The following DOCK3 variants were observed in gnomAD, a reference collection of about 807,000 sequenced individuals.
DOCK3 encodes the protein dedicator of cytokinesis protein 3.
Under a neutral mutation model 265.6 loss-of-function variants are expected in DOCK3, and 60 were observed. That is an observed-to-expected ratio of 0.23 (90% confidence interval 0.18 to 0.28). The LOEUF (loss-of-function observed/expected upper bound fraction) is 0.28. DOCK3 is among the 10% of genes least tolerant of loss of function. The pLI, the probability that DOCK3 is intolerant of heterozygous loss-of-function variation, is 1.00. For synonymous variants in DOCK3, 881 were observed against 938.0 expected (o/e 0.94, Z 1.11); for missense variants, 1,981 against 2,594.3 (o/e 0.76, Z 5.14).
chr3:50,894,752 A>AT (rs922982322), intron 4 of DOCK3, among the ~76,000 whole-genome samples: 29 of 151,428 alleles, frequency 1.9e-4, no homozygotes, highest in African/African-American at 5.3e-4. Context: ...TTTGTTTTTG[A>AT]TTTTTTTTTA....
intron 32 of DOCK3, among the ~76,000 whole-genome samples, chr3:51,317,546 C>T (rs1295067792): frequency 6.7e-6 from 1 of 149,304 alleles, no homozygotes; most frequent in East Asian, 1.9e-4. Context: ...CACCACTGCA[C>T]TCCAGCCTAG....
chr3:51,082,042 A>G lies in DOCK3; in HGVS notation c.549+6602A>G, dbSNP rs558801662. Among the ~76,000 whole-genome samples the G allele has an allele frequency of 2.7e-4, 41 of 152,194 alleles. 1 individual carries two copies. The highest frequency in any genetic ancestry group is 2.4e-3 in the Admixed American group (37 of 15,290). Reference sequence around the variant, plus strand: ...CATCTAAGACAGAATACTGGAGTTCATCAGGGAAGTGACAAGAAACTTCAG... The same window carrying G: ...CATCTAAGACAGAATACTGGAGTTCGTCAGGGAAGTGACAAGAAACTTCAG... On this transcript the variant is annotated intron_variant, in intron 7 of 52. Transcript: ENST00000266037.
At chr3:51,102,657 A>G (rs1212581075) in intron 9 of DOCK3, among the ~76,000 whole-genome samples, 1 of 152,246 alleles carries the variant, frequency 6.6e-6, no homozygotes, top group African/African-American at 2.4e-5. Flanking sequence ...GAAATAGCAC[A>G]AACAAAAGGA....
At chr3:51,071,304 A>T (rs1451187616) in intron 6 of DOCK3, among the ~76,000 whole-genome samples, 1 of 152,200 alleles carries the variant, frequency 6.6e-6, no homozygotes, top group Non-Finnish European at 1.5e-5. Context: ...GGAGTGAATG[A>T]ATGAATGATC....
chr3:51,063,319 A>G (rs565051214), intron 5 of DOCK3, among the ~76,000 whole-genome samples: 3 of 152,296 alleles, frequency 2.0e-5, no homozygotes, highest in African/African-American at 7.2e-5. Flanking sequence ...AGCTGATTAT[A>G]TTACTGCACT....
At chr3:51,358,141 G>A in intron 46 of DOCK3, 64 bp downstream of exon 46, 3 of 1,514,264 alleles carry the variant, frequency 2.0e-6, no homozygotes, top group Non-Finnish European at 2.7e-6. Flanking sequence ...CCAGACCTAC[G>A]CCACAAACCA....
intron 27 of DOCK3, among the ~76,000 whole-genome samples, chr3:51,282,677 AAAG>A (rs2081193901): frequency 2.0e-5 from 1 of 51,008 alleles, no homozygotes; most frequent in Non-Finnish European, 6.1e-5. Context: ...AAAGAAAAGA[AAAG>A]AAAAAAGAAA....
chr3:50,921,949 G>C (rs538267065), intron 4 of DOCK3, among the ~76,000 whole-genome samples: 109 of 152,240 alleles, frequency 7.2e-4, no homozygotes, highest in African/African-American at 2.6e-3. Flanking sequence ...GGCTGTATTC[G>C]GTGTCAGTCA....
At chr3:51,064,900 C>G (rs182139673) in intron 6 of DOCK3, among the ~76,000 whole-genome samples, 1 of 152,212 alleles carries the variant, frequency 6.6e-6, no homozygotes, top group East Asian at 1.9e-4. Flanking sequence ...GATTCTACAC[C>G]TCCTAATCAG....
chr3:50,898,080 A>G (rs2036422735), intron 4 of DOCK3, among the ~76,000 whole-genome samples: 1 of 128,594 alleles, frequency 7.8e-6, no homozygotes, highest in Admixed American at 8.4e-5. Context: ...TACCCCTGAT[A>G]GAATTTGGCT....
At chr3:50,825,152 AT>A (rs1178964668) in intron 2 of DOCK3, among the ~76,000 whole-genome samples, 1 of 152,210 alleles carries the variant, frequency 6.6e-6, no homozygotes, top group Non-Finnish European at 1.5e-5. Flanking sequence ...TGAAAATAAC[AT>A]TTGGAAGTTT....
intron 1 of DOCK3, chr3:50,719,981 A>G: frequency 1.9e-5 from 7 of 377,034 alleles, no homozygotes; most frequent in South Asian, 5.3e-5. Flanking sequence ...GTTGTCTACA[A>G]AGACAGTTCA....
At chr3:50,705,215 C>T (rs538974431) in intron 1 of DOCK3, among the ~76,000 whole-genome samples, 3 of 151,752 alleles carry the variant, frequency 2.0e-5, no homozygotes, top group African/African-American at 7.3e-5. Flanking sequence ...TATGTATCAC[C>T]TTTTGCTTTG....
rs190066808 is a variant in DOCK3, at chr3:50,834,191, C to G, written c.122-7484C>G. Among the ~76,000 whole-genome samples the G allele has an allele frequency of 1.0e-3, 156 of 151,944 alleles. 1 individual carries two copies. Among genetic ancestry groups the G allele is most frequent in the East Asian group, 8.0e-3 (41 of 5,148 alleles). ...TACCAGAAACCTGCATTCAAGAGCA[C>G]CTGTCAAAGTTCTATAGCTGATTTT... On this transcript the variant is annotated intron_variant, in intron 2 of 52. Coordinates refer to ENST00000266037, the MANE Select transcript of DOCK3 (RefSeq NM_004947.5).
At chr3:51,009,972 A>G (rs552792932) in intron 5 of DOCK3, among the ~76,000 whole-genome samples, 28 of 152,100 alleles carry the variant, frequency 1.8e-4, no homozygotes, top group Non-Finnish European at 2.8e-4. Flanking sequence ...ATTGCACTGT[A>G]TTCTGAGAGA....
Position 51,089,030 on chromosome 3 carries a change from T to G in DOCK3, c.550-213T>G, listed in dbSNP as rs115302650. On this transcript the variant is annotated intron_variant, in intron 7 of 52. Coordinates refer to ENST00000266037, the MANE Select transcript of DOCK3 (RefSeq NM_004947.5). Reference sequence around the variant, plus strand: ...CAGGTTTGAATCTGGATTTTGCCACTTTCTTGCTATGTGACCTTCAGCAAA... The same window carrying G: ...CAGGTTTGAATCTGGATTTTGCCACGTTCTTGCTATGTGACCTTCAGCAAA... Among the ~76,000 whole-genome samples, 1,070 of 152,304 alleles carry G rather than the reference T, an allele frequency of 7.0e-3. 19 individuals are homozygous for G. Among genetic ancestry groups the G allele is most frequent in the African/African-American group, 0.024 (1,008 of 41,564 alleles).
At chr3:50,998,179 C>G (rs554876391) in intron 5 of DOCK3, among the ~76,000 whole-genome samples, 312 of 152,258 alleles carry the variant, frequency 2.0e-3, no homozygotes, top group African/African-American at 7.3e-3. Context: ...TGTCACAAAG[C>G]TAGTAAATAG....
chr3:51,104,920 C>T (rs959482005), intron 9 of DOCK3, among the ~76,000 whole-genome samples: 3 of 152,052 alleles, frequency 2.0e-5, no homozygotes, highest in Non-Finnish European at 2.9e-5. Context: ...TCCTGAGTAG[C>T]GGGACTACGG....
At chr3:51,055,467 T>C (rs2081161587) in intron 5 of DOCK3, among the ~76,000 whole-genome samples, 1 of 152,214 alleles carries the variant, frequency 6.6e-6, no homozygotes, top group African/African-American at 2.4e-5. Context: ...TCACCTTTAA[T>C]GTTTGGTGGA....
Sources: allele counts gnomAD v4.1 joint callset (sites outside exome capture counted in the v4.1 genomes callset), GRCh38; gene constraint gnomAD v4.1.1; transcripts MANE v1.5; gene names NCBI Gene and HGNC (gene_info 2026-07-23, HGNC 2026-07-21).